Variants in PDE1C observed in about 807,000 individuals in gnomAD.
The protein encoded by PDE1C is phosphodiesterase 1C, also known as dual specificity calcium/calmodulin-dependent 3',5'-cyclic nucleotide phosphodiesterase 1C.
PDE1C carries 62 observed loss-of-function variants against 93.1 expected under a neutral mutation model. The observed-to-expected ratio is 0.67, with a 90% confidence interval of 0.54 to 0.82. The LOEUF is 0.82. Ranked by LOEUF, PDE1C falls within the 40% of genes least tolerant of loss-of-function variation. PDE1C has a pLI of 0.00. For synonymous variants in PDE1C, 325 were observed against 310.1 expected, an observed-to-expected ratio of 1.05 and a Z score of -0.50; for missense variants, 742 against 884.6, an observed-to-expected ratio of 0.84 and a Z score of 2.04.
chr7:32,074,021 C>T (rs561095685), upstream of PDE1C, among the ~76,000 whole-genome samples: 1 of 151,832 alleles, frequency 6.6e-6, no homozygotes, highest in African/African-American at 2.4e-5. Flanking sequence ...TATATATATG[C>T]ACAGGCACAT....
chr7:31,678,355 G>A, the PDE1C span, among the ~76,000 whole-genome samples: 2 of 152,262 alleles, frequency 1.3e-5, no homozygotes, highest in South Asian at 2.1e-4. Context: ...TAAAATCAAT[G>A]TACTGTTAGT....
chr7:32,288,523 T>C (rs1812143203), intron 1 of PDE1C, among the ~76,000 whole-genome samples: 1 of 152,170 alleles, frequency 6.6e-6, no homozygotes, highest in South Asian at 2.1e-4. Flanking sequence ...AGAAAATGCA[T>C]CCTGTTGGAA....
At chr7:32,079,849 G>T (rs1796557950) in intron 3 of PDE1C, among the ~76,000 whole-genome samples, 1 of 152,184 alleles carries the variant, frequency 6.6e-6, no homozygotes, top group Non-Finnish European at 1.5e-5. Context: ...CACAGAGCTA[G>T]CCCTGATTCA....
chr7:31,908,248 G>A (rs897572611), intron 2 of PDE1C, among the ~76,000 whole-genome samples: 3 of 152,078 alleles, frequency 2.0e-5, no homozygotes, highest in African/African-American at 7.2e-5. Context: ...ATCTTTAAAT[G>A]GTGAAAACAG....
intron 2 of PDE1C, among the ~76,000 whole-genome samples, chr7:31,936,448 C>T (rs972588648): frequency 1.3e-5 from 2 of 149,582 alleles, no homozygotes; most frequent in Admixed American, 6.7e-5. Context: ...AAAAAAAAAA[C>T]TCTAAAAAGT....
chr7:32,220,033 A>C (rs1194282542), intron 1 of PDE1C, among the ~76,000 whole-genome samples: 1 of 151,886 alleles, frequency 6.6e-6, no homozygotes, highest in African/African-American at 2.4e-5. Context: ...CCACCATGTG[A>C]GTCATGTCTT....
At chr7:32,383,387 C>A (rs756745338) in intron 1 of PDE1C, among the ~76,000 whole-genome samples, 7 of 152,160 alleles carry the variant, frequency 4.6e-5, no homozygotes, top group Non-Finnish European at 7.3e-5. Context: ...TGCTGTGTGA[C>A]TTTGGGTAAG....
intron 2 of PDE1C, among the ~76,000 whole-genome samples, chr7:32,046,174 C>T (rs926343163): frequency 6.6e-6 from 1 of 151,234 alleles, no homozygotes; most frequent in African/African-American, 2.4e-5. Context: ...TGTCTTCTTC[C>T]TAATGTCTAG....
intron 8 of PDE1C, among the ~76,000 whole-genome samples, chr7:31,849,020 T>C (rs933449212): frequency 6.6e-6 from 1 of 152,228 alleles, no homozygotes; most frequent in Non-Finnish European, 1.5e-5. Flanking sequence ...TAAAGTTCTG[T>C]TGAACAGGGC....
chr7:32,224,376 A>C (rs928269817), intron 1 of PDE1C, among the ~76,000 whole-genome samples: 2 of 152,170 alleles, frequency 1.3e-5, no homozygotes. Flanking sequence ...ATCTCAAAAA[A>C]AAAAAAGACT....
intron 1 of PDE1C, among the ~76,000 whole-genome samples, chr7:32,334,760 A>G (rs777656898): frequency 1.3e-5 from 2 of 152,166 alleles, no homozygotes; most frequent in Non-Finnish European, 2.9e-5. Flanking sequence ...TTTCATTTCC[A>G]TAAAGTTTAT....
At chr7:32,220,908 G>T (rs561898542) in intron 1 of PDE1C, among the ~76,000 whole-genome samples, 1 of 152,312 alleles carries the variant, frequency 6.6e-6, no homozygotes, top group South Asian at 2.1e-4. Context: ...TGGGCCTCCA[G>T]CTCATGCCTG....
At chr7:32,422,499 C>G (rs1009427536) in intron 1 of PDE1C, among the ~76,000 whole-genome samples, 10 of 143,018 alleles carry the variant, frequency 7.0e-5, no homozygotes, top group African/African-American at 2.5e-4. Flanking sequence ...GGCCTCCCCC[C>G]TCAGCTAGTC....
At chr7:31,843,293 GA>G (rs1792149607) in intron 9 of PDE1C, among the ~76,000 whole-genome samples, 1 of 151,838 alleles carries the variant, frequency 6.6e-6, no homozygotes, top group Non-Finnish European at 1.5e-5. Context: ...GCTGACGCAA[GA>G]ATCTTAAAAC....
intron 15 of PDE1C, among the ~76,000 whole-genome samples, chr7:31,811,403 A>G (rs1464905243): frequency 6.6e-6 from 1 of 152,076 alleles, no homozygotes; most frequent in East Asian, 1.9e-4. Flanking sequence ...ATTGAGGAGC[A>G]GGGGAGTCTA....
chr7:32,200,708 G>T (rs992372958), intron 2 of PDE1C, among the ~76,000 whole-genome samples: 2 of 152,166 alleles, frequency 1.3e-5, no homozygotes, highest in South Asian at 4.2e-4. Flanking sequence ...ACAGGCAGCA[G>T]GTGGAAGCTG....
chr7:32,330,401 A>G (rs1157903164), intron 1 of PDE1C, among the ~76,000 whole-genome samples: 2 of 152,238 alleles, frequency 1.3e-5, no homozygotes, highest in Non-Finnish European at 1.5e-5. Context: ...GGCTGGATCT[A>G]AAATTGCTGG....
chr7:32,385,441 G>A (rs1784604747), intron 1 of PDE1C, among the ~76,000 whole-genome samples: 1 of 152,044 alleles, frequency 6.6e-6, no homozygotes, highest in African/African-American at 2.4e-5. Flanking sequence ...CTGAAATATG[G>A]GACAGGGATC....
the PDE1C span, among the ~76,000 whole-genome samples, chr7:31,687,756 G>T: frequency 6.6e-6 from 1 of 152,086 alleles, no homozygotes; most frequent in South Asian, 2.1e-4. Flanking sequence ...CAATCCTCTG[G>T]TTAAAAAGAG....
Sources: allele counts gnomAD v4.1 joint callset (sites outside exome capture counted in the v4.1 genomes callset), GRCh38; gene constraint gnomAD v4.1.1; transcripts MANE v1.5; gene names NCBI Gene and HGNC (gene_info 2026-07-23, HGNC 2026-07-21).